Variants in CMIP observed in about 807,000 individuals in gnomAD.
The protein encoded by CMIP is C-Maf-inducing protein.
In CMIP, 13 loss-of-function variants were observed where a neutral mutation model predicts 97.3. That is an observed-to-expected ratio of 0.13 (90% CI 0.09 to 0.21). The LOEUF (loss-of-function observed/expected upper bound fraction) is 0.21. Ranked by LOEUF, CMIP falls within the 10% of genes least tolerant of loss-of-function variation. The pLI is 1.00. For synonymous variants in CMIP, 538 were observed against 436.3 expected (o/e 1.23, Z -2.91); for missense variants, 847 against 1,024.9 (o/e 0.83, Z 2.37).
intron 10 of CMIP, among the ~76,000 whole-genome samples, chr16:81,688,555 A>T (rs955973813): frequency 6.6e-6 from 1 of 152,222 alleles, no homozygotes; most frequent in Non-Finnish European, 1.5e-5. Flanking sequence ...AGAGTAAATG[A>T]ACTAAGGTAT....
intron 9 of CMIP, among the ~76,000 whole-genome samples, chr16:81,675,264 C>T (rs552118773): frequency 1.5e-4 from 23 of 152,180 alleles, no homozygotes; most frequent in East Asian, 3.9e-4. Context: ...AGTGCGGTGG[C>T]GCAATCTCTG....
intron 3 of CMIP, among the ~76,000 whole-genome samples, chr16:81,628,537 G>A (rs1414113566): frequency 6.6e-6 from 1 of 152,240 alleles, no homozygotes; most frequent in Non-Finnish European, 1.5e-5. Flanking sequence ...AACTGAGGCT[G>A]AGGTTAAATC....
intron 2 of CMIP, among the ~76,000 whole-genome samples, chr16:81,613,168 C>T (rs929243012): frequency 6.6e-6 from 1 of 152,232 alleles, no homozygotes; most frequent in Non-Finnish European, 1.5e-5. Flanking sequence ...CAGCCTCCAC[C>T]TGCTCTCCTA....
intron 19 of CMIP, among the ~76,000 whole-genome samples, chr16:81,706,091 G>A (rs1171013989): frequency 6.6e-6 from 1 of 152,234 alleles, no homozygotes; most frequent in Admixed American, 6.5e-5. Context: ...AATAGAAGGA[G>A]GCACAGAATT....
At chr16:81,643,793 G>GTAAATAAATAAA (rs149906497) in intron 3 of CMIP, among the ~76,000 whole-genome samples, 1 of 151,858 alleles carries the variant, frequency 6.6e-6, no homozygotes, top group Non-Finnish European at 1.5e-5. Flanking sequence ...CAATAAGTAA[G>GTAAATAAATAAA]TAAATAAATA....
intron 1 of CMIP, among the ~76,000 whole-genome samples, chr16:81,460,487 C>A (rs1906837267): frequency 6.6e-6 from 1 of 152,254 alleles, no homozygotes; most frequent in African/African-American, 2.4e-5. Flanking sequence ...CCAGGACTGT[C>A]CCAGGTTTTT....
intron 6 of CMIP, among the ~76,000 whole-genome samples, chr16:81,663,224 G>A (rs140323763): frequency 5.9e-5 from 9 of 151,830 alleles, no homozygotes; most frequent in Admixed American, 2.6e-4. Flanking sequence ...CTACCAGAAC[G>A]TGGAAGCACC....
intron 1 of CMIP, among the ~76,000 whole-genome samples, chr16:81,561,457 G>A (rs951341971): frequency 6.6e-6 from 1 of 152,182 alleles, no homozygotes; most frequent in African/African-American, 2.4e-5. Flanking sequence ...GGTAGGCACA[G>A]TATGTGCAGA....
At position 81,603,108 on chromosome 16, in the gene CMIP, C is replaced by T. The variant is rs543904016; in HGVS notation, c.301-4459C>T. On this transcript the variant is annotated intron_variant, in intron 1 of 20. Coordinates refer to ENST00000537098, the MANE Select transcript of CMIP (RefSeq NM_198390.3). Reference sequence around the variant, plus strand: ...TTTTGTTTTGTTTTTGAGAAGGAGTCTTGCTCTGTTGCCCAGGCTACAGTG... The same window carrying T: ...TTTTGTTTTGTTTTTGAGAAGGAGTTTTGCTCTGTTGCCCAGGCTACAGTG... 3.3e-5 allele frequency among the ~76,000 whole-genome samples: 5 copies of T among 152,292 alleles called. No individual in the cohort carries two copies. In the South Asian group the frequency reaches 1.0e-3, roughly 32 times the overall value.
intron 3 of CMIP, among the ~76,000 whole-genome samples, chr16:81,640,346 A>G: frequency 8.1e-6 from 1 of 123,622 alleles, no homozygotes; most frequent in Non-Finnish European, 1.7e-5. Context: ...CCCAGCTCCC[A>G]CTTTCTCAAC....
At position 81,584,686 on chromosome 16, in the gene CMIP, C is replaced by T. The variant is rs138423256; in HGVS notation, c.301-22881C>T. On this transcript the variant is annotated intron_variant, in intron 1 of 20. Transcript: ENST00000537098. ...CATGGAAATAAACATCAAACTAGCCCGGCGCCGTCCATCATCCGAATTATC... is the reference window on the plus strand; with the variant it reads ...CATGGAAATAAACATCAAACTAGCCTGGCGCCGTCCATCATCCGAATTATC... Among the ~76,000 whole-genome samples, 79 of 152,256 alleles carry T rather than the reference C, an allele frequency of 5.2e-4. 1 individual carries two copies. The highest frequency in any genetic ancestry group is 1.6e-3 in the African/African-American group (65 of 41,548).
At chr16:81,468,284 C>T (rs959694717) in intron 1 of CMIP, among the ~76,000 whole-genome samples, 1 of 152,248 alleles carries the variant, frequency 6.6e-6, no homozygotes. Context: ...TGTGCTCACT[C>T]TCCCACTGCC....
intron 1 of CMIP, among the ~76,000 whole-genome samples, chr16:81,505,064 A>G (rs1314050570): frequency 6.6e-6 from 1 of 152,210 alleles, no homozygotes; most frequent in African/African-American, 2.4e-5. Flanking sequence ...CCTTCATGCT[A>G]AATGTCCAGG....
chr16:81,577,965 T>C, intron 1 of CMIP, among the ~76,000 whole-genome samples: 1 of 149,570 alleles, frequency 6.7e-6, no homozygotes, highest in East Asian at 2.0e-4. Context: ...CCATTACCAC[T>C]ACATTATTAT....
chr16:81,603,841 CGTTT>C (rs1000986253), intron 1 of CMIP, among the ~76,000 whole-genome samples: 15 of 152,140 alleles, frequency 9.9e-5, no homozygotes, highest in African/African-American at 3.6e-4. Flanking sequence ...CAAAATAGTT[CGTTT>C]GATTGCGTTC....
chr16:81,533,103 C>T (rs2090271920), intron 1 of CMIP, among the ~76,000 whole-genome samples: 1 of 152,214 alleles, frequency 6.6e-6, no homozygotes, highest in Non-Finnish European at 1.5e-5. Context: ...CCCACTCCCA[C>T]AATTTTTTAT....
chr16:81,543,926 C>G (rs897211747), intron 1 of CMIP, among the ~76,000 whole-genome samples: 6 of 152,206 alleles, frequency 3.9e-5, no homozygotes, highest in African/African-American at 1.4e-4. Context: ...AGGTCTGAAT[C>G]GTATTATCGG....
At chr16:81,647,929 A>C (rs1188629957) in intron 3 of CMIP, among the ~76,000 whole-genome samples, 1 of 52,088 alleles carries the variant, frequency 1.9e-5, no homozygotes, top group Non-Finnish European at 3.6e-5. Flanking sequence ...GCACCCGCAG[A>C]GCCGTAGCCC....
intron 1 of CMIP, among the ~76,000 whole-genome samples, chr16:81,593,776 C>G (rs181332119): frequency 5.9e-4 from 90 of 152,284 alleles, no homozygotes; most frequent in African/African-American, 2.1e-3. Flanking sequence ...CACTCCCTCC[C>G]TAGCACCCTC....
Sources: allele counts gnomAD v4.1 joint callset (sites outside exome capture counted in the v4.1 genomes callset), GRCh38; gene constraint gnomAD v4.1.1; transcripts MANE v1.5; gene names NCBI Gene and HGNC (gene_info 2026-07-23, HGNC 2026-07-21).